CACNA1H: variants seen among roughly 807,000 people sequenced by gnomAD.
The protein encoded by CACNA1H is calcium voltage-gated channel subunit alpha1 H.
CACNA1H carries 149 observed loss-of-function variants against 192.5 expected under a neutral mutation model. The ratio of observed to expected loss-of-function variants is 0.77; its 90% CI spans 0.68 to 0.89. The LOEUF is 0.89. Ranked by LOEUF, CACNA1H falls within the 40% of genes least tolerant of loss-of-function variation. The probability of loss-of-function intolerance (pLI) is 0.00; values close to 1 mark genes in which losing one functional copy is unlikely to be tolerated. For missense variants in CACNA1H, 4,257 were observed against 3,423.5 expected (o/e 1.24, Z -6.08); for synonymous variants, 2,202 against 1,475.2 (o/e 1.49, Z -11.29).
intron 2 of CACNA1H, among the ~76,000 whole-genome samples, chr16:1,176,047 C>T (rs544897399): frequency 1.5e-3 from 221 of 152,342 alleles, no homozygotes; most frequent in African/African-American, 5.2e-3. Flanking sequence ...CCACTCCCAT[C>T]GCCCAGTCAC....
chr16:1,162,464 T>A (rs1173866176), intron 2 of CACNA1H, among the ~76,000 whole-genome samples: 1 of 152,056 alleles, frequency 6.6e-6, no homozygotes, highest in Non-Finnish European at 1.5e-5. Context: ...TCGCGATTGG[T>A]CGCCCACTGT....
At chr16:1,189,664 C>A (rs184623953) in intron 2 of CACNA1H, among the ~76,000 whole-genome samples, 2 of 152,178 alleles carry the variant, frequency 1.3e-5, no homozygotes, top group East Asian at 3.9e-4. Context: ...TCCAAATGAT[C>A]CTCCTGCCTC....
chr16:1,215,145 G>C, intron 28 of CACNA1H, 64 bp downstream of exon 28: 1 of 1,583,494 alleles, frequency 6.3e-7, no homozygotes, highest in Non-Finnish European at 8.6e-7. Context: ...CTGGGGGCAG[G>C]TGAGGCCGCA....
chr16:1,196,583 C>T (rs950770907), intron 5 of CACNA1H, among the ~76,000 whole-genome samples: 1 of 152,196 alleles, frequency 6.6e-6, no homozygotes, highest in Non-Finnish European at 1.5e-5. Flanking sequence ...GTTGGCTGGC[C>T]AGGGCTGGGC....
rs773756422 is a variant in CACNA1H, at chr16:1,209,995, G to T, written c.3745-40G>T. 3.3e-5 allele frequency: 48 copies of T among 1,473,612 alleles called. No homozygotes were observed. In the South Asian group the frequency reaches 5.8e-4, roughly 18 times the overall value. 91.3% of individuals were successfully genotyped at this position (1,473,612 alleles called of 1,614,324 possible). A position where few individuals can be genotyped will look rare whatever the true frequency, so the allele number is the denominator to read the frequency against. Reference sequence around the variant, plus strand: ...AGGGCCCTGATGGGGGGCCGGGCAGGCAGGCGCAGGCTCTGAGAAGCCGCC... The same window carrying T: ...AGGGCCCTGATGGGGGGCCGGGCAGTCAGGCGCAGGCTCTGAGAAGCCGCC... On this transcript the variant is annotated intron_variant, in intron 17 of 34. Coordinates refer to ENST00000348261, the MANE Select transcript of CACNA1H (RefSeq NM_021098.3).
At chr16:1,193,203 G>C (rs1206103847) in intron 2 of CACNA1H, among the ~76,000 whole-genome samples, 1 of 151,222 alleles carries the variant, frequency 6.6e-6, no homozygotes, top group Non-Finnish European at 1.5e-5. Context: ...CTCGGGAAAT[G>C]ATGGCCCTCA....
chr16:1,156,563 G>C (rs541884443), intron 2 of CACNA1H, among the ~76,000 whole-genome samples: 51 of 152,242 alleles, frequency 3.3e-4, no homozygotes, highest in African/African-American at 1.1e-3. Flanking sequence ...GACTGGTGTG[G>C]CTGGGGTGTG....
intron 30 of CACNA1H, among the ~76,000 whole-genome samples, chr16:1,216,033 C>T (rs925203062): frequency 1.3e-5 from 2 of 152,068 alleles, no homozygotes; most frequent in South Asian, 2.1e-4. Context: ...CCTTTCTGTC[C>T]TCCAAGGCCA....
intron 2 of CACNA1H, among the ~76,000 whole-genome samples, chr16:1,187,178 A>G (rs576774818): frequency 6.6e-6 from 1 of 152,284 alleles, no homozygotes; most frequent in South Asian, 2.1e-4. Context: ...AGTAAGGTTG[A>G]GCGTTCCTGA....
chr16:1,193,236 A>G (rs1165217645), intron 2 of CACNA1H, among the ~76,000 whole-genome samples: 1 of 152,204 alleles, frequency 6.6e-6, no homozygotes, highest in African/African-American at 2.4e-5. Flanking sequence ...GACAGTCCCC[A>G]GCCACCCCCG....
In CACNA1H at chr16:1,207,234, GGGGCT is replaced by G. The variant is rs200453348; in HGVS notation, c.2908-37_2908-33del. ...TGCCCCAAGGACTTGCCGGCATTTC[GGGGCT>G]GGGGTGACCACCCCAGGCCCCCTGC... On this transcript the variant is annotated intron_variant, in intron 13 of 34. Transcript: ENST00000348261. The G allele has an allele frequency of 1.1e-3, 1,704 of 1,569,680 alleles. 14 individuals are homozygous for G. In the African/African-American group the frequency reaches 0.019, roughly 18 times the overall value.
At chr16:1,155,174 C>T (rs1459550258) in intron 2 of CACNA1H, among the ~76,000 whole-genome samples, 1 of 152,242 alleles carries the variant, frequency 6.6e-6, no homozygotes, top group South Asian at 2.1e-4. Flanking sequence ...CAAATCCAAA[C>T]ATCGAGTGAG....
chr16:1,157,246 G>A (rs906410347), intron 2 of CACNA1H: 1 of 152,250 alleles, frequency 6.6e-6, no homozygotes, highest in Non-Finnish European at 1.5e-5. Flanking sequence ...GTGACCAAGG[G>A]GTGCTTGGGG....
At chr16:1,194,302 G>C (rs1388705507) in intron 2 of CACNA1H, among the ~76,000 whole-genome samples, 2 of 152,202 alleles carry the variant, frequency 1.3e-5, no homozygotes, top group African/African-American at 4.8e-5. Flanking sequence ...TCGCTGACAA[G>C]TTGGTGCTTT....
intron 4 of CACNA1H, 136 bp downstream of exon 4, chr16:1,195,701 T>G (rs1053406289): frequency 8.0e-5 from 91 of 1,141,214 alleles, no homozygotes; most frequent in Non-Finnish European, 1.1e-4. Flanking sequence ...GGACCCTGTC[T>G]GGGACTCCGG....
Position 1,211,292 on chromosome 16 carries a change from C to T in CACNA1H, c.4348C>T (p.Gln1450Ter). 1 of 1,612,898 alleles carries T rather than the reference C, an allele frequency of 6.2e-7. No individual in the cohort carries two copies. Residue 1450 changes from glutamine (Q) to a stop codon, truncating the protein, a stop_gained and splice_region_variant, in exon 22 of 35, where the codon CAG (glutamine) becomes TAG (stop). Transcript: ENST00000348261. LOFTEE classifies it high-confidence loss of function. ...CATCATTTTTGGCATTTTGGGTGTG[C>T]AGGTGTGTGGCCCCCACGTGCCCGG... ...FFIIFGILGVQLFKGKFYYCE... is the reference protein window; with the variant it reads ...FFIIFGILGV
chr16:1,194,967 G>A lies in CACNA1H; in HGVS notation c.300-5G>A, dbSNP rs748626072. 13 of 1,607,384 alleles carry A rather than the reference G, an allele frequency of 8.1e-6. No homozygotes were observed. The highest frequency in any genetic ancestry group is 1.1e-5 in the South Asian group (1 of 90,954). ...GCCGGTGTGCTCCTTAACCCGCGGCGACACATGGTTCGAGCACGTGAGCAT... is the reference window on the plus strand; with the variant it reads ...GCCGGTGTGCTCCTTAACCCGCGGCAACACATGGTTCGAGCACGTGAGCAT... On this transcript the variant is annotated splice_region_variant and splice_polypyrimidine_tract_variant and intron_variant, in intron 2 of 34. Coordinates refer to ENST00000348261, the MANE Select transcript of CACNA1H (RefSeq NM_021098.3).
chr16:1,207,860 G>A lies in CACNA1H; in HGVS notation c.3154G>A (p.Glu1052Lys). 1 of 1,585,478 alleles carries A rather than the reference G, an allele frequency of 6.3e-7. No homozygotes were observed. The highest frequency in any genetic ancestry group is 8.6e-7 in the Non-Finnish European group (1 of 1,165,852). ...FHKLRELQTT[E>K]LKMCSLAVTP... ...CAAGCTCAGAGAACTCCAGACCACA[G>A]GTGCGTGTGGTCGGTGGGTGGTCCG... The change falls in exon 15 of 35, where the codon GAG becomes AAG. Residue 1052 changes from glutamate (E) to lysine (K), a missense_variant and splice_region_variant. Coordinates refer to ENST00000348261, the MANE Select transcript of CACNA1H (RefSeq NM_021098.3).
chr16:1,176,640 G>A (rs975878505), intron 2 of CACNA1H, among the ~76,000 whole-genome samples: 2 of 152,224 alleles, frequency 1.3e-5, no homozygotes, highest in African/African-American at 4.8e-5. Context: ...CACAGGCCCC[G>A]GGACCAGCCA....
Sources: allele counts gnomAD v4.1 joint callset (sites outside exome capture counted in the v4.1 genomes callset), GRCh38; gene constraint gnomAD v4.1.1; transcripts MANE v1.5; gene names NCBI Gene and HGNC (gene_info 2026-07-23, HGNC 2026-07-21).